SYCP2: variants seen among roughly 807,000 people sequenced by gnomAD.
SYCP2 encodes synaptonemal complex protein 2, also known as synaptonemal complex lateral element protein.
Under a neutral mutation model 211.3 loss-of-function variants are expected in SYCP2, and 55 were observed. The observed-to-expected ratio is 0.26, with a 90% confidence interval of 0.21 to 0.33. The LOEUF is 0.33. Among genes scored for constraint, SYCP2 ranks in the 10% least tolerant of loss-of-function variants. The pLI is 1.00. For missense variants in SYCP2, 1,731 were observed against 1,752.0 expected (o/e 0.99, Z 0.21); for synonymous variants, 570 against 555.2 (o/e 1.03, Z -0.37).
intron 44 of SYCP2, among the ~76,000 whole-genome samples, chr20:59,864,651 AAG>A (rs945347000): frequency 6.6e-6 from 1 of 151,992 alleles, no homozygotes; most frequent in African/African-American, 2.4e-5. Context: ...TTTTTAAAGG[AAG>A]AGAGTAAAAT....
chr20:59,892,115 T>C lies in SYCP2; in HGVS notation c.2239A>G (p.Lys747Glu). 12 of 1,612,332 alleles carry C rather than the reference T, an allele frequency of 7.4e-6. No individual in the cohort carries two copies. Among genetic ancestry groups the C allele is most frequent in the Non-Finnish European group, 1.0e-5 (12 of 1,178,976 alleles). ...LIYRKKYILS[K>E]DVNTATCDKN... Reference sequence around the variant, plus strand: ...TCGCAAGTAGCAGTATTCACATCTTTTGACAATATGTATTTCTTCCTATAT... The same window carrying C: ...TCGCAAGTAGCAGTATTCACATCTTCTGACAATATGTATTTCTTCCTATAT... Residue 747 changes from lysine to glutamate, a missense_variant, in exon 24 of 45, where the codon AAA (lysine) becomes GAA (glutamate). By Grantham distance (56) the Lys-to-Glu change is moderately conservative (BLOSUM62 1). Transcript: ENST00000357552.
Position 59,878,055 on chromosome 20 carries a change from A to G in SYCP2, c.2942-10T>C. ...TTTTCCAAGGATGATCCTGTAATTCAGAAAAATAAGGTTAAATTTTCACAG... is the reference window on the plus strand; with the variant it reads ...TTTTCCAAGGATGATCCTGTAATTCGGAAAAATAAGGTTAAATTTTCACAG... On this transcript the variant is annotated splice_polypyrimidine_tract_variant and intron_variant, in intron 31 of 44. Coordinates refer to ENST00000357552, the MANE Select transcript of SYCP2 (RefSeq NM_014258.4). The G allele has an allele frequency of 6.3e-7, 1 of 1,590,674 alleles. No homozygotes were observed. Among genetic ancestry groups the G allele is most frequent in the Non-Finnish European group, 8.6e-7 (1 of 1,164,340 alleles).
At chr20:59,901,189 A>G (rs976398019) in intron 16 of SYCP2, among the ~76,000 whole-genome samples, 6 of 152,072 alleles carry the variant, frequency 3.9e-5, no homozygotes, top group East Asian at 3.9e-4. Flanking sequence ...ACATGCCTGG[A>G]AAGTATTTTA....
rs1295546538 is a variant in SYCP2 at position 59,921,532 on chromosome 20, C to T, written c.25-79G>A. On this transcript the variant is annotated intron_variant, in intron 3 of 44. Transcript: ENST00000357552. The stretch of plus-strand genomic sequence containing the variant: ...TTATGCAATCTAGTAATTTGAGAAC[C>T]GTTTTCACATGAAAACTCTCAAATG... 15 of 1,037,846 alleles carry T rather than the reference C, an allele frequency of 1.4e-5. 1 individual carries two copies. Among genetic ancestry groups the T allele is most frequent in the East Asian group, 1.2e-4 (4 of 33,044 alleles). 64.3% of individuals were successfully genotyped at this position (1,037,846 alleles called of 1,614,324 possible).
chr20:59,882,477 A>G (rs1056365285), intron 26 of SYCP2, among the ~76,000 whole-genome samples: 4 of 152,176 alleles, frequency 2.6e-5, no homozygotes, highest in African/African-American at 9.6e-5. Flanking sequence ...AAATCAATAT[A>G]CCAAAGAGGT....
intron 30 of SYCP2, 36 bp from the exon 31 acceptor site, chr20:59,880,507 T>C: frequency 7.9e-7 from 1 of 1,264,418 alleles, no homozygotes; most frequent in Non-Finnish European, 1.1e-6. Flanking sequence ...GAAGAAATAC[T>C]ACATCTCATT....
chr20:59,864,140 G>C lies in SYCP2; in HGVS notation c.*171C>G, dbSNP rs1343965737. 1 of 437,606 alleles carries C rather than the reference G, an allele frequency of 2.3e-6. No homozygotes were observed. The allele number at this position is 437,606 out of a possible 1,614,324, so 27.1% of individuals were successfully genotyped here. On this transcript the variant is annotated 3_prime_UTR_variant, in exon 45 of 45. Transcript: ENST00000357552. The stretch of plus-strand genomic sequence containing the variant: ...CTTCTGGGCTTGGACTCATGTTATA[G>C]TGGTTCCCTCTCATCCATTAAAAGA...
chr20:59,886,468 T>C (rs778553303), intron 25 of SYCP2, among the ~76,000 whole-genome samples: 1 of 152,032 alleles, frequency 6.6e-6, no homozygotes, highest in African/African-American at 2.4e-5. Context: ...GTATGTTGTA[T>C]TGATGTGTTT....
In SYCP2 at chr20:59,873,849, T is replaced by C; in HGVS notation, c.3555+7A>G. 1 of 1,599,448 alleles carries C rather than the reference T, an allele frequency of 6.3e-7. No homozygotes were observed. Among genetic ancestry groups the C allele is most frequent in the Non-Finnish European group, 8.5e-7 (1 of 1,174,284 alleles). ...TGATAAAGAGAAAAATATATATACA[T>C]TCTCACCAAAAACAGTGGTCGTGGA... On this transcript the variant is annotated splice_region_variant and intron_variant, in intron 35 of 44. Transcript: ENST00000357552.
At chr20:59,868,761 A>AT in intron 37 of SYCP2, 74 bp downstream of exon 37, 1 of 1,392,598 alleles carries the variant, frequency 7.2e-7, no homozygotes, top group Non-Finnish European at 9.9e-7. Flanking sequence ...CTTAAAATAC[A>AT]TAATTCCTTT....
intron 30 of SYCP2, 66 bp downstream of exon 30, chr20:59,880,900 A>G: frequency 1.3e-6 from 1 of 753,662 alleles, no homozygotes. Flanking sequence ...GTTTTTGATA[A>G]TCTTTAACAT....
At chr20:59,898,851 G>C (rs2060061956) in intron 18 of SYCP2, among the ~76,000 whole-genome samples, 1 of 152,088 alleles carries the variant, frequency 6.6e-6, no homozygotes, top group Non-Finnish European at 1.5e-5. Context: ...TGAAGATCTA[G>C]AGGCATGAAT....
intron 22 of SYCP2, 21 bp from the exon 23 acceptor site, chr20:59,892,722 C>T: frequency 6.3e-7 from 1 of 1,593,104 alleles, no homozygotes; most frequent in Non-Finnish European, 8.5e-7. Flanking sequence ...AATTAATTTG[C>T]TTAATGTTAC....
chr20:59,901,202 T>C (rs953197726), intron 16 of SYCP2, among the ~76,000 whole-genome samples: 2 of 152,092 alleles, frequency 1.3e-5, no homozygotes, highest in Admixed American at 1.3e-4. Context: ...GTATTTTATC[T>C]AAATGCTTTC....
At position 59,920,295 on chromosome 20, in the gene SYCP2, T is replaced by C. The variant is rs181181030; in HGVS notation, c.297+64A>G. The C allele has an allele frequency of 5.9e-6, 8 of 1,365,598 alleles. No individual in the cohort carries two copies. In the Middle Eastern group the frequency reaches 5.6e-4, roughly 95 times the overall value. 84.6% of individuals were successfully genotyped at this position (1,365,598 alleles called of 1,614,324 possible). On this transcript the variant is annotated intron_variant, in intron 5 of 44. Transcript: ENST00000357552. The stretch of plus-strand genomic sequence containing the variant: ...ATTTTCAACAATTTGGATAATTTCT[T>C]ACTAGAAAGCATATCTTTTATAATA...
intron 26 of SYCP2, among the ~76,000 whole-genome samples, chr20:59,883,924 C>A (rs2059736177): frequency 1.3e-5 from 2 of 151,856 alleles, no homozygotes; most frequent in Non-Finnish European, 2.9e-5. Context: ...CACACACACA[C>A]AAAGCTGAAT....
chr20:59,909,014 T>C (rs1358643930), intron 14 of SYCP2, among the ~76,000 whole-genome samples: 1 of 152,188 alleles, frequency 6.6e-6, no homozygotes, highest in Non-Finnish European at 1.5e-5. Flanking sequence ...TTACCAGTTT[T>C]TATTTAACCT....
rs992726135 is a variant in SYCP2, at chr20:59,873,833, GA to G, written c.3555+22del. ...TACCTTCAGATATATCTGATAAAGA[GA>G]AAAATATATATACATTCTCACCAAA... On this transcript the variant is annotated intron_variant, in intron 35 of 44. Transcript: ENST00000357552. 2.6e-6 allele frequency: 4 copies of G among 1,565,034 alleles called. No homozygotes were observed. The African/African-American group carries it at 4.1e-5, about 16-fold the overall frequency.
rs74569583 is a variant in SYCP2, at chr20:59,924,557, T to C, written c.-46-2098A>G. Among the ~76,000 whole-genome samples, 4 of 151,952 alleles carry C rather than the reference T, an allele frequency of 2.6e-5. No homozygotes were observed. The East Asian group carries it at 7.7e-4, about 29-fold the overall frequency. On this transcript the variant is annotated intron_variant, in intron 2 of 44. Coordinates refer to ENST00000357552, the MANE Select transcript of SYCP2 (RefSeq NM_014258.4). ...GTGCTCATTTAACATTGCGTGCCTG[T>C]ATCAAAACATCTTACATACTCCATT...
Sources: allele counts gnomAD v4.1 joint callset (sites outside exome capture counted in the v4.1 genomes callset), GRCh38; gene constraint gnomAD v4.1.1; transcripts MANE v1.5; gene names NCBI Gene and HGNC (gene_info 2026-07-23, HGNC 2026-07-21).